GPR141: variants seen among roughly 807,000 people sequenced by gnomAD.
The protein encoded by GPR141 is probable G protein-coupled receptor 141.
GPR141 carries 6 observed loss-of-function variants against 6.8 expected under a neutral mutation model. The observed-to-expected ratio is 0.88, with a 90% CI of 0.48 to 1.74. GPR141 has a LOEUF of 1.74. GPR141 is among the 40% of genes most tolerant of loss of function. GPR141 has a pLI of 0.01. For synonymous variants in GPR141, 140 were observed against 142.3 expected (o/e 0.98, Z 0.11); for missense variants, 372 against 372.9 (o/e 1.00, Z 0.02).
At chr7:37,738,055 AAT>A (rs949405417) in intron 2 of GPR141, among the ~76,000 whole-genome samples, 1 of 152,220 alleles carries the variant, frequency 6.6e-6, no homozygotes, top group African/African-American at 2.4e-5. Context: ...GCTTCTCCAT[AAT>A]ATATAATAAT....
intron 2 of GPR141, 133 bp from the exon 3 acceptor site, chr7:37,740,247 T>C (rs1162524044): frequency 1.5e-6 from 1 of 658,320 alleles, no homozygotes; most frequent in Non-Finnish European, 2.7e-6. Context: ...GGAAATAATC[T>C]TCATTCTTAA....
intron 1 of GPR141, chr7:37,685,051 G>A (rs1041683032): frequency 2.6e-5 from 4 of 152,164 alleles, no homozygotes; most frequent in African/African-American, 9.7e-5. Flanking sequence ...GTAGAACTGA[G>A]GCTAATATAT....
At position 37,696,434 on chromosome 7, in the gene GPR141, G is replaced by T. The variant is rs117407883; in HGVS notation, c.-15+10851G>T. ...GAATACCCTGCTATGTGTTTTTCAT[G>T]CATTACCGCCCACTGTCCTCCACCT... On this transcript the variant is annotated intron_variant, in intron 2 of 2. Transcript: ENST00000334425. Among the ~76,000 whole-genome samples, 740 of 152,212 alleles carry T rather than the reference G, an allele frequency of 4.9e-3. 4 individuals are homozygous for T. The highest frequency in any genetic ancestry group is 0.011 in the South Asian group (52 of 4,820).
intron 2 of GPR141, among the ~76,000 whole-genome samples, chr7:37,687,991 C>T (rs2131723627): frequency 6.6e-6 from 1 of 152,228 alleles, no homozygotes; most frequent in East Asian, 1.9e-4. Flanking sequence ...CTTACAATTG[C>T]AATGTGAATG....
intron 2 of GPR141, among the ~76,000 whole-genome samples, chr7:37,732,035 A>ATTTT (rs1467680669): frequency 3.7e-5 from 2 of 53,888 alleles, no homozygotes; most frequent in East Asian, 9.3e-4. Flanking sequence ...TGTTTTTTTT[A>ATTTT]TTTTTATTTA....
rs549603448 is a variant in GPR141, at chr7:37,717,661, C to T, written c.-14-22719C>T. ...TTCCTGCATGAAGCCTTCTCAGATTCCCCCTTCTCCCAGTTTGGCTTGTTC... is the reference window on the plus strand; with the variant it reads ...TTCCTGCATGAAGCCTTCTCAGATTTCCCCTTCTCCCAGTTTGGCTTGTTC... On this transcript the variant is annotated intron_variant, in intron 2 of 2. Coordinates refer to ENST00000334425, the MANE Select transcript of GPR141 (RefSeq NM_001381946.1). Among the ~76,000 whole-genome samples, 26 of 152,256 alleles carry T rather than the reference C, an allele frequency of 1.7e-4. No homozygotes were observed. In the South Asian group the frequency reaches 5.4e-3, roughly 32 times the overall value.
intron 2 of GPR141, among the ~76,000 whole-genome samples, chr7:37,718,426 G>A (rs1020182171): frequency 6.6e-6 from 1 of 151,948 alleles, no homozygotes; most frequent in Non-Finnish European, 1.5e-5. Flanking sequence ...TGTGACAGGA[G>A]GATTGCTTGA....
chr7:37,702,660 A>G (rs949144769), intron 2 of GPR141, among the ~76,000 whole-genome samples: 1 of 151,718 alleles, frequency 6.6e-6, no homozygotes. Flanking sequence ...TGGGTGCAGC[A>G]CACCAGCATG....
chr7:37,687,558 C>T (rs1244189766), intron 2 of GPR141, among the ~76,000 whole-genome samples: 2 of 152,184 alleles, frequency 1.3e-5, no homozygotes, highest in African/African-American at 2.4e-5. Flanking sequence ...GACATATTCC[C>T]GGATCTCCTT....
At chr7:37,699,107 C>G (rs967863655) in intron 2 of GPR141, among the ~76,000 whole-genome samples, 4 of 152,142 alleles carry the variant, frequency 2.6e-5, no homozygotes, top group Non-Finnish European at 5.9e-5. Context: ...TTTGACTTTA[C>G]TTATAATAGA....
intron 2 of GPR141, among the ~76,000 whole-genome samples, chr7:37,739,486 G>T (rs374988361): frequency 4.6e-5 from 7 of 152,184 alleles, no homozygotes; most frequent in Non-Finnish European, 8.8e-5. Context: ...GACATGTAAG[G>T]CTATCAATCT....
intron 2 of GPR141, among the ~76,000 whole-genome samples, chr7:37,726,604 G>A (rs1255183723): frequency 6.6e-6 from 1 of 151,992 alleles, no homozygotes; most frequent in Non-Finnish European, 1.5e-5. Flanking sequence ...TTCCACATTG[G>A]TTTTTCTCTT....
chr7:37,691,515 T>C (rs1809766595), intron 2 of GPR141, among the ~76,000 whole-genome samples: 1 of 152,148 alleles, frequency 6.6e-6, no homozygotes, highest in African/African-American at 2.4e-5. Context: ...GTATGTTCTT[T>C]GTTCTTTTTT....
At chr7:37,729,052 A>T (rs776324656) in intron 2 of GPR141, among the ~76,000 whole-genome samples, 8 of 152,188 alleles carry the variant, frequency 5.3e-5, no homozygotes, top group Non-Finnish European at 1.2e-4. Flanking sequence ...GAACATTCCA[A>T]GAATGACAGG....
rs144595046 is a variant in GPR141 at position 37,719,049 on chromosome 7, C to T, written c.-14-21331C>T. Among the ~76,000 whole-genome samples the T allele has an allele frequency of 8.1e-4, 123 of 152,280 alleles. 1 individual carries two copies. Among genetic ancestry groups the T allele is most frequent in the Non-Finnish European group, 1.6e-3 (110 of 68,026 alleles). ...CCTGTGCGTGAAGAGTTTCACCAGA[C>T]GATTTCAGCTTTCTCCTGTGACCTG... is the stretch of plus-strand genomic sequence containing the variant. On this transcript the variant is annotated intron_variant, in intron 2 of 2. Transcript: ENST00000334425.
chr7:37,720,312 C>T (rs1464686225), intron 2 of GPR141, among the ~76,000 whole-genome samples: 1 of 139,348 alleles, frequency 7.2e-6, no homozygotes, highest in Admixed American at 7.0e-5. Flanking sequence ...TGGTGCCCAT[C>T]AATGGCTTTA....
chr7:37,690,755 A>G (rs1429345219), intron 2 of GPR141, among the ~76,000 whole-genome samples: 1 of 151,826 alleles, frequency 6.6e-6, no homozygotes, highest in African/African-American at 2.4e-5. Context: ...AGAATGTTTC[A>G]TGTGTTGATG....
intron 2 of GPR141, among the ~76,000 whole-genome samples, chr7:37,716,157 A>G (rs1460471681): frequency 6.6e-6 from 1 of 152,196 alleles, no homozygotes; most frequent in Non-Finnish European, 1.5e-5. Context: ...AACATCATTT[A>G]TTCTTTCAAA....
intron 2 of GPR141, among the ~76,000 whole-genome samples, chr7:37,696,306 T>G (rs1278670009): frequency 1.3e-5 from 2 of 152,220 alleles, no homozygotes; most frequent in African/African-American, 4.8e-5. Context: ...GTGAGGTATG[T>G]TAAATACACT....
Sources: allele counts gnomAD v4.1 joint callset (sites outside exome capture counted in the v4.1 genomes callset), GRCh38; gene constraint gnomAD v4.1.1; transcripts MANE v1.5; gene names NCBI Gene and HGNC (gene_info 2026-07-23, HGNC 2026-07-21).